MBD5: variants seen among roughly 807,000 people sequenced by gnomAD.
MBD5 encodes the protein methyl-CpG-binding domain protein 5.
A neutral mutation model predicts 117.3 loss-of-function variants in MBD5; 13 were observed. That is an observed-to-expected ratio of 0.11 (90% CI 0.07 to 0.18). The LOEUF (loss-of-function observed/expected upper bound fraction) is 0.18. Among genes scored for constraint, MBD5 ranks in the 10% least tolerant of loss-of-function variants. MBD5 has a pLI of 1.00. For synonymous variants in MBD5, 727 were observed against 766.4 expected, an observed-to-expected ratio of 0.95 and a Z score of 0.85; for missense variants, 1,879 against 2,093.8, an observed-to-expected ratio of 0.90 and a Z score of 2.00.
chr2:148,420,026 G>C (rs1705551107), intron 4 of MBD5, among the ~76,000 whole-genome samples: 1 of 152,220 alleles, frequency 6.6e-6, no homozygotes, highest in Non-Finnish European at 1.5e-5. Flanking sequence ...TGTAAGCCTG[G>C]GGGAGGTAAG....
chr2:148,308,492 T>A (rs1436193989), intron 3 of MBD5, among the ~76,000 whole-genome samples: 5 of 26,056 alleles, frequency 1.9e-4, no homozygotes, highest in African/African-American at 6.9e-4. Context: ...GGGTTCTTTC[T>A]TTTTTTTTTT....
chr2:148,410,829 G>T (rs552997837), intron 4 of MBD5, among the ~76,000 whole-genome samples: 2 of 152,110 alleles, frequency 1.3e-5, no homozygotes, highest in Non-Finnish European at 1.5e-5. Context: ...GTTTTTTTAT[G>T]ATTCTTTTGC....
At chr2:148,357,693 C>T (rs975223934) in intron 4 of MBD5, among the ~76,000 whole-genome samples, 2 of 151,888 alleles carry the variant, frequency 1.3e-5, no homozygotes, top group African/African-American at 4.8e-5. Flanking sequence ...CATGGGCTGG[C>T]CATTTGAAGT....
At position 148,490,613 on chromosome 2, in the gene MBD5, A is replaced by G; in HGVS notation, c.4962+19A>G. The G allele has an allele frequency of 3.1e-6, 5 of 1,613,778 alleles. No individual in the cohort carries two copies. The South Asian group carries it at 3.3e-5, about 11-fold the overall frequency. ...AGGGAAGGTATACCAATCTTTATCCATTGTCAAATACTAACCTTTGTTCAG... is the reference window on the plus strand; with the variant it reads ...AGGGAAGGTATACCAATCTTTATCCGTTGTCAAATACTAACCTTTGTTCAG... On this transcript the variant is annotated intron_variant, in intron 11 of 13. Coordinates refer to ENST00000642680, the MANE Select transcript of MBD5 (RefSeq NM_001378120.1).
intron 3 of MBD5, among the ~76,000 whole-genome samples, chr2:148,267,986 T>G (rs1390344624): frequency 6.6e-6 from 1 of 151,006 alleles, no homozygotes; most frequent in Non-Finnish European, 1.5e-5. Context: ...TTCTCACTTT[T>G]TCACCCAGGC....
intron 3 of MBD5, among the ~76,000 whole-genome samples, chr2:148,281,578 A>C (rs1701246840): frequency 6.6e-6 from 1 of 151,734 alleles, no homozygotes; most frequent in African/African-American, 2.4e-5. Context: ...GCATTTTTTT[A>C]AAAATTCATG....
chr2:148,328,797 G>A (rs138011301), intron 3 of MBD5, among the ~76,000 whole-genome samples: 1,565 of 152,034 alleles, frequency 0.01, 13 homozygotes, highest in African/African-American at 0.034. Context: ...GAAATCACCC[G>A]TCTTCTGCGT....
chr2:148,368,779 G>C (rs1703773233), intron 4 of MBD5, among the ~76,000 whole-genome samples: 1 of 152,026 alleles, frequency 6.6e-6, no homozygotes, highest in Non-Finnish European at 1.5e-5. Flanking sequence ...TCTTACATCA[G>C]AATGCCAACT....
At chr2:148,386,817 T>C (rs1323118150) in intron 4 of MBD5, among the ~76,000 whole-genome samples, 1 of 151,956 alleles carries the variant, frequency 6.6e-6, no homozygotes, top group East Asian at 1.9e-4. Context: ...TAAGATGAAC[T>C]GTACCCATTC....
At chr2:148,502,788 A>T (rs1681913376) in intron 12 of MBD5, among the ~76,000 whole-genome samples, 1 of 152,238 alleles carries the variant, frequency 6.6e-6, no homozygotes, top group Non-Finnish European at 1.5e-5. Context: ...GGAAAATAAA[A>T]TATAATTAAT....
At chr2:148,073,481 T>G (rs1311108409) in intron 1 of MBD5, among the ~76,000 whole-genome samples, 1 of 152,174 alleles carries the variant, frequency 6.6e-6, no homozygotes, top group Non-Finnish European at 1.5e-5. Context: ...ATTTAAAAGC[T>G]TTGCCTCAGT....
intron 10 of MBD5, 49 bp downstream of exon 10, chr2:148,485,999 G>C (rs1186820791): frequency 6.4e-7 from 1 of 1,568,578 alleles, no homozygotes. Context: ...GTCTGAGTTT[G>C]TTTAAATACT....
chr2:148,043,557 T>A (rs1410802514), intron 1 of MBD5, among the ~76,000 whole-genome samples: 1 of 152,170 alleles, frequency 6.6e-6, no homozygotes, highest in Non-Finnish European at 1.5e-5. Flanking sequence ...TGGTTCTCTT[T>A]CCATCACTAA....
At chr2:148,035,707 C>T (rs60373365) in intron 1 of MBD5, among the ~76,000 whole-genome samples, 1,660 of 152,246 alleles carry the variant, frequency 0.011, 37 homozygotes, top group African/African-American at 0.037. Flanking sequence ...GTTAAGAGCA[C>T]GGACCCTAGA....
At chr2:148,199,016 G>A (rs1363555951) in intron 2 of MBD5, among the ~76,000 whole-genome samples, 2 of 151,870 alleles carry the variant, frequency 1.3e-5, no homozygotes, top group Admixed American at 6.6e-5. Context: ...ATTTATGCAT[G>A]TATATGTACA....
intron 1 of MBD5, among the ~76,000 whole-genome samples, chr2:148,154,409 G>A (rs530563604): frequency 6.3e-4 from 96 of 152,006 alleles, no homozygotes; most frequent in African/African-American, 2.0e-3. Flanking sequence ...TGCCCCCAGA[G>A]GTGGAGCCTA....
chr2:148,152,628 T>G (rs1428538090), intron 1 of MBD5, among the ~76,000 whole-genome samples: 1 of 152,242 alleles, frequency 6.6e-6, no homozygotes, highest in East Asian at 1.9e-4. Context: ...TGCTCCTGTA[T>G]TCGTTGCATA....
At chr2:148,477,781 A>G (rs149361161) in intron 8 of MBD5, among the ~76,000 whole-genome samples, 84 of 152,304 alleles carry the variant, frequency 5.5e-4, no homozygotes, top group African/African-American at 1.9e-3. Flanking sequence ...TACCAAAGCA[A>G]ATGATAAAGG....
chr2:148,307,323 G>T (rs912059187), intron 3 of MBD5, among the ~76,000 whole-genome samples: 1 of 152,006 alleles, frequency 6.6e-6, no homozygotes, highest in Non-Finnish European at 1.5e-5. Flanking sequence ...AAAATTATGA[G>T]CTCTATTTTT....
Sources: allele counts gnomAD v4.1 joint callset (sites outside exome capture counted in the v4.1 genomes callset), GRCh38; gene constraint gnomAD v4.1.1; transcripts MANE v1.5; gene names NCBI Gene and HGNC (gene_info 2026-07-23, HGNC 2026-07-21).